Variants in CAMTA2 observed in about 807,000 individuals in gnomAD.
CAMTA2 encodes calmodulin binding transcription activator 2.
Under a neutral mutation model 135.7 loss-of-function variants are expected in CAMTA2, and 56 were observed. That is an observed-to-expected ratio of 0.41 (90% CI 0.33 to 0.52). The LOEUF (loss-of-function observed/expected upper bound fraction) is 0.52, where lower values mean the gene tolerates loss of function less well. Among genes scored for constraint, CAMTA2 ranks in the 20% least tolerant of loss-of-function variants. The pLI is 0.16. For synonymous variants in CAMTA2, 591 were observed against 604.6 expected, an observed-to-expected ratio of 0.98 and a Z score of 0.33; for missense variants, 1,358 against 1,553.4, an observed-to-expected ratio of 0.87 and a Z score of 2.11.
intron 1 of CAMTA2, chr17:4,987,386 G>A (rs1208576345): frequency 2.1e-5 from 29 of 1,368,274 alleles, no homozygotes; most frequent in Non-Finnish European, 2.7e-5. Context: ...GGGGTCTCCG[G>A]GACAGTCCCC....
At chr17:4,984,522 G>C (rs1477589089) in intron 3 of CAMTA2, among the ~76,000 whole-genome samples, 2 of 152,154 alleles carry the variant, frequency 1.3e-5, no homozygotes, top group African/African-American at 4.8e-5. Flanking sequence ...GACCACACTG[G>C]ACCTTCCTAA....
intron 15 of CAMTA2, 75 bp from the exon 16 acceptor site, chr17:4,972,611 T>C: frequency 1.3e-6 from 2 of 1,516,074 alleles, no homozygotes; most frequent in Non-Finnish European, 1.8e-6. Context: ...GCCTTCCCCA[T>C]CCTGTTCTCG....
chr17:4,976,945 A>C, intron 11 of CAMTA2, 113 bp downstream of exon 11: 1 of 1,057,524 alleles, frequency 9.5e-7, no homozygotes, highest in East Asian at 2.6e-5. Context: ...TGAAAAAAAA[A>C]AATGGTAAAG....
chr17:4,976,872 A>C (rs1296037115), intron 11 of CAMTA2, among the ~76,000 whole-genome samples, 186 bp downstream of exon 11: 1 of 152,010 alleles, frequency 6.6e-6, no homozygotes, highest in Non-Finnish European at 1.5e-5. Flanking sequence ...CCCAAGATTT[A>C]TGGGGAAGAG....
Position 4,972,555 on chromosome 17 carries a change from G to A in CAMTA2, c.2504-19C>T. On this transcript the variant is annotated intron_variant, in intron 15 of 22. Coordinates refer to ENST00000348066, the MANE Select transcript of CAMTA2 (RefSeq NM_015099.4). ...CTCAGACCTGTGTGGGGAGGGAAGAGAGTGAGGGCAGCCGGAGCCACGGCC... is the reference window on the plus strand; with the variant it reads ...CTCAGACCTGTGTGGGGAGGGAAGAAAGTGAGGGCAGCCGGAGCCACGGCC... The A allele has an allele frequency of 6.3e-7, 1 of 1,596,162 alleles. No individual in the cohort carries two copies. Among genetic ancestry groups the A allele is most frequent in the Non-Finnish European group, 8.5e-7 (1 of 1,172,286 alleles).
chr17:4,985,807 A>G (rs1434675782), intron 3 of CAMTA2, 73 bp downstream of exon 3: 2 of 911,862 alleles, frequency 2.2e-6, no homozygotes, highest in African/African-American at 1.6e-5. Flanking sequence ...ACAGACACGG[A>G]AAGACCCCCC....
chr17:4,977,025 T>C (rs16954309), intron 11 of CAMTA2, 33 bp downstream of exon 11: 308,917 of 1,610,490 alleles, frequency 0.19, 31,166 homozygotes, highest in Middle Eastern at 0.28. Context: ...GGCTGTGGGC[T>C]GGATACTTGG....
rs772390845 is a variant in CAMTA2 at position 4,986,193 on chromosome 17, A to G, written c.30T>C (p.Ala10=). The part of the protein sequence containing the change: MNTKDTTEV[A]ENSHHLKIFL... Reference sequence around the variant, plus strand: ...TGGGAACCTGGTTTGTGAACTTACCAGCAACCTCGGTGGTGTCCTTGGTAT... The same window carrying G: ...TGGGAACCTGGTTTGTGAACTTACCGGCAACCTCGGTGGTGTCCTTGGTAT... Residue 10 remains alanine (A), a splice_region_variant and synonymous_variant, in exon 2 of 23, where the codon GCT becomes GCC. Transcript: ENST00000348066. 8 of 1,595,514 alleles carry G rather than the reference A, an allele frequency of 5.0e-6. No homozygotes were observed. The South Asian group carries it at 7.7e-5, about 15-fold the overall frequency.
rs1972107793 is a variant in CAMTA2, at chr17:4,969,251, C to T, written c.3369G>A (p.Gln1123=). The stretch of plus-strand genomic sequence containing the variant: ...GGATGAGCACAGCCGCTCGGCGGCT[C>T]TGCTGAAATCGCTTCTGTTCATAGT... ...RSYYEQKRFQ[Q]SRRAAVLIQQ... Residue 1123 remains glutamine, a synonymous_variant, in exon 21 of 23, where the codon CAG becomes CAA. Transcript: ENST00000348066. The surrounding 1 kb of genome is among the most constrained non-coding windows in gnomAD (Gnocchi z 5.6). 1 of 1,613,794 alleles carries T rather than the reference C, an allele frequency of 6.2e-7. No individual in the cohort carries two copies. Among genetic ancestry groups the T allele is most frequent in the Non-Finnish European group, 8.5e-7 (1 of 1,179,998 alleles).
At chr17:4,977,006 A>G (rs1972654508) in intron 11 of CAMTA2, 52 bp downstream of exon 11, 1 of 1,599,244 alleles carries the variant, frequency 6.3e-7, no homozygotes, top group Non-Finnish European at 8.6e-7. Context: ...GGAGCATGTC[A>G]TGCTTAAAGG....
In CAMTA2 at chr17:4,985,921, G is replaced by A. The variant is rs1488911520; in HGVS notation, c.94C>T (p.Pro32Ser). The A allele has an allele frequency of 2.5e-6, 4 of 1,614,062 alleles. No individual in the cohort carries two copies. The highest frequency in any genetic ancestry group is 3.4e-6 in the Non-Finnish European group (4 of 1,179,952). Residue 32 changes from proline (P) to serine (S), a missense_variant, in exon 3 of 23, where the codon CCG (proline) becomes TCG (serine). Around this residue, in one of 4 missense-constraint regions of CAMTA2, gnomAD observed 105 missense variants for 190.9 expected, o/e 0.55. Coordinates refer to ENST00000348066, the MANE Select transcript of CAMTA2 (RefSeq NM_015099.4). ...KKLLECLPRC[P>S]LLPPERLRWN... ...CGTAGCCTCTCTGGAGGCAGCAGCG[G>A]GCAGCGAGGAAGACACTCCAGCAGC...
chr17:4,972,523 G>A lies in CAMTA2; in HGVS notation c.2517C>T (p.Val839=). ...CATCCGACAGCTCCGAGGGCGAGGA[G>A]ACGCTGCTCAGACCTGTGTGGGGAG... ...SSSPDTGLSS[V]SSPSELSDGT... Residue 839 remains valine (V), a synonymous_variant, in exon 16 of 23, where the codon GTC becomes GTT. Transcript: ENST00000348066. 1 of 1,605,322 alleles carries A rather than the reference G, an allele frequency of 6.2e-7. No homozygotes were observed. The highest frequency in any genetic ancestry group is 8.5e-7 in the Non-Finnish European group (1 of 1,176,604).
At chr17:4,985,058 T>G (rs1597782097) in intron 3 of CAMTA2, among the ~76,000 whole-genome samples, 1 of 147,486 alleles carries the variant, frequency 6.8e-6, no homozygotes, top group South Asian at 2.1e-4. Context: ...TGGAGGCACA[T>G]GCCTGTAATC....
chr17:4,987,217 G>T (rs568477528), intron 1 of CAMTA2: 2 of 1,341,138 alleles, frequency 1.5e-6, no homozygotes, highest in Non-Finnish European at 1.9e-6. Context: ...GCGCCGGATC[G>T]GACGCTTGGC....
At chr17:4,975,943 ATGTT>A (rs894345740) in intron 11 of CAMTA2, among the ~76,000 whole-genome samples, 2 of 152,096 alleles carry the variant, frequency 1.3e-5, no homozygotes, top group African/African-American at 2.4e-5. Context: ...ATGTGCCTCT[ATGTT>A]TGTGTTAGTA....
intron 1 of CAMTA2, chr17:4,986,916 A>G (rs1973372009): frequency 2.0e-6 from 3 of 1,491,684 alleles, no homozygotes; most frequent in Middle Eastern, 1.7e-4. Context: ...CCTCTCCCCA[A>G]ACGCCTCTGC....
intron 8 of CAMTA2, 139 bp downstream of exon 8, chr17:4,981,086 C>T: frequency 9.3e-7 from 1 of 1,078,372 alleles, no homozygotes; most frequent in Non-Finnish European, 1.4e-6. Context: ...AACGTCTGTT[C>T]ATCTGGCCCA....
In CAMTA2 at chr17:4,980,721, A is replaced by T; in HGVS notation, c.701-100T>A. On this transcript the variant is annotated intron_variant, in intron 8 of 22. Transcript: ENST00000348066. This position sits in a 1 kb window ranked among gnomAD's most constrained non-coding sequence, Gnocchi z 5.3. ...AAAGTATTTCCTGGGACGTCCCTAT[A>T]AACCAGAGGTGTAATACTGATTGTA... The T allele has an allele frequency of 2.2e-6, 2 of 897,732 alleles. No individual in the cohort carries two copies. Among genetic ancestry groups the T allele is most frequent in the Non-Finnish European group, 3.6e-6 (2 of 554,868 alleles). 55.6% of individuals were successfully genotyped at this position (897,732 alleles called of 1,614,324 possible).
In CAMTA2 at chr17:4,980,202, C is replaced by T. The variant is rs1385590993; in HGVS notation, c.1120G>A (p.Ala374Thr). 1.3e-6 allele frequency: 2 copies of T among 1,575,862 alleles called. No homozygotes were observed. The highest frequency in any genetic ancestry group is 1.7e-6 in the Non-Finnish European group (2 of 1,160,338). The change falls in exon 9 of 23, where the codon GCC (alanine) becomes ACC (threonine). Residue 374 changes from alanine to threonine, a missense_variant. Coordinates refer to ENST00000348066, the MANE Select transcript of CAMTA2 (RefSeq NM_015099.4). This position sits in a 1 kb window ranked among gnomAD's most constrained non-coding sequence, Gnocchi z 5.3. The part of the protein sequence containing the change: ...PSAPPAPPSP[A>T]FDPDRFLNSP... ...TTGAGAAAACGATCAGGGTCAAAGG[C>T]AGGACTGGGAGGAGCTGGTGGGGCA...
Sources: allele counts gnomAD v4.1 joint callset (sites outside exome capture counted in the v4.1 genomes callset), GRCh38; gene constraint gnomAD v4.1.1; regional missense constraint gnomAD v4.1.1; non-coding constraint Gnocchi (gnomAD v3.1); transcripts MANE v1.5; gene names NCBI Gene and HGNC (gene_info 2026-07-23, HGNC 2026-07-21).